The following USP9Y variants were observed in gnomAD, a reference collection of about 807,000 sequenced individuals.
The protein encoded by USP9Y is ubiquitin carboxyl-terminal hydrolase 9Y.
Under a neutral mutation model 53.1 loss-of-function variants are expected in USP9Y, and 41 were observed. The ratio of observed to expected loss-of-function variants is 0.77; its 90% CI spans 0.60 to 1.00. USP9Y has a LOEUF of 1.00. Among genes scored for constraint, USP9Y ranks in the 50% least tolerant of loss-of-function variants. USP9Y has a pLI of 0.00. For missense variants in USP9Y, 567 were observed against 535.8 expected (o/e 1.06, Z -0.58); for synonymous variants, 220 against 173.7 (o/e 1.27, Z -2.09).
intron 42 of USP9Y, among the ~76,000 whole-genome samples, chrY:12,849,042 C>T (rs2053569616): frequency 6.0e-5 from 2 of 33,320 alleles, no homozygotes; most frequent in Non-Finnish European, 1.5e-4. Flanking sequence ...TATAGATAAC[C>T]TTGGGCAGTA....
In USP9Y at chrY:12,725,227, T is replaced by G; in HGVS notation, c.438+2T>G. On this transcript the variant is annotated splice_donor_variant, in intron 6 of 45. Coordinates refer to ENST00000338981, the MANE Select transcript of USP9Y (RefSeq NM_004654.4). LOFTEE classifies it high-confidence loss of function. ...AGTGGCTGGAAGTTTGAAATTCATG[T>G]GAGTCTTGTATTTCATTTCTGGGAC... 5.4e-6 allele frequency: 2 copies of G among 371,871 alleles called. No individual in the cohort carries two copies. The highest frequency in any genetic ancestry group is 7.7e-6 in the Non-Finnish European group (2 of 259,094). The allele number at this position is 371,871 out of a possible 400,897, so 92.8% of individuals were successfully genotyped here.
intron 3 of USP9Y, among the ~76,000 whole-genome samples, chrY:12,715,857 C>G: frequency 3.0e-5 from 1 of 33,519 alleles, no homozygotes; most frequent in Non-Finnish European, 7.4e-5. Context: ...TAATCCTTAA[C>G]TTTTTTGTAT....
intron 27 of USP9Y, among the ~76,000 whole-genome samples, chrY:12,795,708 T>C (rs2053512267): frequency 3.0e-5 from 1 of 33,504 alleles, no homozygotes; most frequent in South Asian, 6.9e-4. Flanking sequence ...TCATGGGTTT[T>C]CTGGGAAAGG....
intron 31 of USP9Y, among the ~76,000 whole-genome samples, 179 bp from the exon 32 acceptor site, chrY:12,815,942 TAAC>T (rs2053535828): frequency 5.8e-5 from 2 of 34,456 alleles, no homozygotes; most frequent in Admixed American, 5.2e-4. Context: ...AACATCAACT[TAAC>T]AAGGTCTGTA....
intron 14 of USP9Y, 40 bp downstream of exon 14, chrY:12,758,682 G>A: frequency 3.4e-6 from 1 of 291,286 alleles, no homozygotes; most frequent in Non-Finnish European, 5.0e-6. Flanking sequence ...ATTTTTATCT[G>A]TATATTATGT....
At chrY:12,824,604 C>G (rs569787307) in intron 33 of USP9Y, among the ~76,000 whole-genome samples, 63 of 32,862 alleles carry the variant, frequency 1.9e-3, no homozygotes, top group South Asian at 6.2e-3. Flanking sequence ...AAGAACCATC[C>G]CAAGTAACTC....
chrY:12,775,487 G>A lies in USP9Y; in HGVS notation c.2348G>A (p.Ser783Asn). The A allele has an allele frequency of 2.5e-6, 1 of 394,757 alleles. No homozygotes were observed. The highest frequency in any genetic ancestry group is 3.6e-6 in the Non-Finnish European group (1 of 281,030). ...DYLWRVVIQSSDEIANRAIDL... is the reference protein window; with the variant it reads ...DYLWRVVIQSNDEIANRAIDL... ...TGGAACCAGGTTGTGATTCAGAGTA[G>A]TGACGAGATTGCTAACAGAGCTATA... The change falls in exon 18 of 46, where the codon AGT becomes AAT. Residue 783 changes from serine to asparagine, a missense_variant. By Grantham distance (46) the Ser-to-Asn change is conservative. Coordinates refer to ENST00000338981, the MANE Select transcript of USP9Y (RefSeq NM_004654.4).
chrY:12,755,681 G>A, intron 12 of USP9Y, among the ~76,000 whole-genome samples: 5 of 33,386 alleles, frequency 1.5e-4, no homozygotes, highest in Admixed American at 8.2e-4. Flanking sequence ...AACATCTGTC[G>A]TTTTTGTGTT....
intron 42 of USP9Y, among the ~76,000 whole-genome samples, chrY:12,854,495 C>T (rs1603204326): frequency 3.0e-5 from 1 of 33,837 alleles, no homozygotes; most frequent in Non-Finnish European, 7.4e-5. Context: ...CTCCGTCTCC[C>T]GGATTCAAGT....
intron 10 of USP9Y, among the ~76,000 whole-genome samples, chrY:12,737,598 TG>T (rs2053452964): frequency 3.0e-5 from 1 of 33,650 alleles, no homozygotes; most frequent in Non-Finnish European, 7.3e-5. Flanking sequence ...CTTTGTGGAA[TG>T]TTAAACAGAA....
Position 12,840,571 on chromosome Y carries a change from A to G in USP9Y, c.6045A>G (p.Lys2015=). 2.5e-6 allele frequency: 1 copy of G among 397,049 alleles called. No homozygotes were observed. Among genetic ancestry groups the G allele is most frequent in the Non-Finnish European group, 3.5e-6 (1 of 283,246 alleles). The part of the protein sequence containing the change: ...QYSLEYFQFV[K]KLLTCNGVYL... Reference sequence around the variant, plus strand: ...GTTTAGAGTATTTTCAGTTTGTGAAAAAACTGCTTACATGTAATGGTGTTT... The same window carrying G: ...GTTTAGAGTATTTTCAGTTTGTGAAGAAACTGCTTACATGTAATGGTGTTT... Residue 2015 remains lysine, a synonymous_variant, in exon 36 of 46, where the codon AAA becomes AAG. Transcript: ENST00000338981.
chrY:12,837,754 G>T (rs2053556267), intron 34 of USP9Y, among the ~76,000 whole-genome samples, 157 bp from the exon 35 acceptor site: 1 of 32,765 alleles, frequency 3.1e-5, no homozygotes, highest in Non-Finnish European at 7.5e-5. Context: ...ACTGGCTGGG[G>T]ATCCCTGGCA....
At position 12,726,809 on chromosome Y, in the gene USP9Y, A is replaced by G. The variant is rs944526889; in HGVS notation, c.657+16A>G. ...ATCACCAAAAGTGCGTTGGTTTGTT[A>G]TTTTCAAGATTAAATATTAATTTTT... On this transcript the variant is annotated intron_variant, in intron 7 of 45. Transcript: ENST00000338981. 2.7e-6 allele frequency: 1 copy of G among 373,461 alleles called. No homozygotes were observed. Among genetic ancestry groups the G allele is most frequent in the Non-Finnish European group, 3.8e-6 (1 of 260,643 alleles). 93.2% of individuals were successfully genotyped at this position (373,461 alleles called of 400,897 possible). A position where few individuals can be genotyped will look rare whatever the true frequency, so the allele number is the denominator to read the frequency against.
At chrY:12,720,768 G>A in intron 4 of USP9Y, 31 bp downstream of exon 4, 1 of 394,542 alleles carries the variant, frequency 2.5e-6, no homozygotes, top group Non-Finnish European at 3.6e-6. Context: ...TTTATTAATG[G>A]ATGCAGTAAA....
chrY:12,782,467 A>G (rs570576554), intron 22 of USP9Y, among the ~76,000 whole-genome samples: 74 of 33,969 alleles, frequency 2.2e-3, no homozygotes, highest in South Asian at 5.2e-3. Flanking sequence ...ATACATTGTC[A>G]ATCAGCAGTA....
chrY:12,758,989 C>T (rs757555844), intron 14 of USP9Y, among the ~76,000 whole-genome samples: 3 of 33,451 alleles, frequency 9.0e-5, no homozygotes, highest in East Asian at 1.6e-3. Context: ...ATCCTTTCCA[C>T]GGTTAACTCT....
intron 19 of USP9Y, 141 bp from the exon 20 acceptor site, chrY:12,777,878 C>G: frequency 6.9e-6 from 1 of 143,941 alleles, no homozygotes; most frequent in South Asian, 6.1e-5. Flanking sequence ...ATCCTAAATA[C>G]AAAATAAGTT....
chrY:12,798,097 C>T, intron 27 of USP9Y, among the ~76,000 whole-genome samples: 8 of 25,058 alleles, frequency 3.2e-4, no homozygotes, highest in African/African-American at 1.3e-3. Context: ...CTCTCTCCCT[C>T]CCTCCTTCCT....
chrY:12,793,327 T>C, intron 27 of USP9Y, 126 bp downstream of exon 27: 1 of 180,507 alleles, frequency 5.5e-6, no homozygotes, highest in Non-Finnish European at 9.8e-6. Context: ...GCCCATGTAA[T>C]ACCTTGAAGT....
Sources: gnomAD v4.1 joint callset for allele counts (sites outside exome capture counted in the v4.1 genomes callset) on GRCh38, gnomAD v4.1.1 for gene constraint, MANE v1.5 for transcripts, NCBI Gene and HGNC (gene_info 2026-07-23, HGNC 2026-07-21) for gene names.